PFKM: variants seen among roughly 807,000 people sequenced by gnomAD.
PFKM encodes the protein ATP-dependent 6-phosphofructokinase, muscle type.
PFKM carries 58 observed loss-of-function variants against 95.5 expected under a neutral mutation model. The observed-to-expected ratio is 0.61, with a 90% CI of 0.49 to 0.76. PFKM has a LOEUF of 0.76. Ranked by LOEUF, PFKM falls within the 30% of genes least tolerant of loss-of-function variation. The probability of loss-of-function intolerance (pLI) is 0.00; values close to 1 mark genes in which losing one functional copy is unlikely to be tolerated. For synonymous variants in PFKM, 336 were observed against 357.2 expected (o/e 0.94, Z 0.67); for missense variants, 678 against 1,005.4 (o/e 0.67, Z 4.40).
At chr12:48,135,120 C>G (rs1949950543) in intron 9 of PFKM, 82 bp downstream of exon 9, 2 of 1,187,112 alleles carry the variant, frequency 1.7e-6, no homozygotes, top group South Asian at 2.5e-5. Context: ...CATTGCTTCT[C>G]CCCTTGGTCC....
chr12:48,145,416 GAGTAACACCT>G lies in PFKM; in HGVS notation c.2198+102_2198+111del, dbSNP rs765967078. The G allele has an allele frequency of 3.9e-5, 49 of 1,252,834 alleles. No individual in the cohort carries two copies. Among genetic ancestry groups the G allele is most frequent in the Non-Finnish European group, 5.7e-5 (49 of 865,912 alleles). 77.6% of individuals were successfully genotyped at this position (1,252,834 alleles called of 1,614,324 possible). A position where few individuals can be genotyped will look rare whatever the true frequency, so the allele number is the denominator to read the frequency against. ...TCTTTAATTCTTTTTTTTTTTTAAG[GAGTAACACCT>G]GTATTCTTACCCATTTCAGATGTGA... On this transcript the variant is annotated intron_variant, in intron 22 of 22. Coordinates refer to ENST00000359794, the MANE Select transcript of PFKM (RefSeq NM_000289.6). This position sits in a 1 kb window ranked among gnomAD's most constrained non-coding sequence, Gnocchi z 4.3.
intron 2 of PFKM, among the ~76,000 whole-genome samples, chr12:48,124,473 G>C (rs1324902155): frequency 2.6e-5 from 4 of 152,198 alleles, no homozygotes; most frequent in Admixed American, 2.6e-4. Context: ...GAGATGCACA[G>C]AGTTATAAAA....
rs1392144132 is a variant in PFKM, at chr12:48,142,935, C to T, written c.1807C>T (p.Arg603Ter). ...CATTTTTGAGGAGCCCTTCACCATT[C>T]GAGACCTGCAGGTAGCTGGCCACCC... ...AYIFEEPFTI[R>*]DLQANVEHLV... Residue 603 changes from arginine (R) to a stop codon, truncating the protein, a stop_gained, in exon 18 of 23, where the codon CGA becomes TGA. Coordinates refer to ENST00000359794, the MANE Select transcript of PFKM (RefSeq NM_000289.6). LOFTEE classifies it high-confidence loss of function. 6 of 1,613,806 alleles carry T rather than the reference C, an allele frequency of 3.7e-6. No individual in the cohort carries two copies. Among genetic ancestry groups the T allele is most frequent in the Non-Finnish European group, 4.2e-6 (5 of 1,180,006 alleles).
intron 4 of PFKM, 58 bp downstream of exon 4, chr12:48,131,451 T>C (rs528536311): frequency 8.0e-7 from 1 of 1,244,460 alleles, no homozygotes; most frequent in Non-Finnish European, 1.2e-6. Context: ...CATCCCACTC[T>C]GTTTTGGGCT....
chr12:48,130,954 C>T (rs941346206), intron 3 of PFKM, among the ~76,000 whole-genome samples: 1 of 152,134 alleles, frequency 6.6e-6, no homozygotes, highest in Admixed American at 6.5e-5. Flanking sequence ...CTTTCCTTCC[C>T]TCCCACCAAC....
At chr12:48,130,281 A>G (rs906569539) in intron 2 of PFKM, 82 bp from the exon 3 acceptor site, 38 of 867,538 alleles carry the variant, frequency 4.4e-5, no homozygotes, top group Non-Finnish European at 7.6e-5. Flanking sequence ...CGTTATCTTT[A>G]GCCAAATGTA....
At chr12:48,140,229 C>CT (rs1245022383) in intron 13 of PFKM, among the ~76,000 whole-genome samples, 1 of 152,228 alleles carries the variant, frequency 6.6e-6, no homozygotes, top group Admixed American at 6.5e-5. Flanking sequence ...ATAATCACAT[C>CT]TAAGTGTATC....
At chr12:48,136,806 T>A (rs1189197433) in intron 10 of PFKM, among the ~76,000 whole-genome samples, 1 of 150,972 alleles carries the variant, frequency 6.6e-6, no homozygotes, top group Non-Finnish European at 1.5e-5. Flanking sequence ...CAGGCTGGAG[T>A]GCAGTGGCAT....
At chr12:48,122,481 G>C in intron 1 of PFKM, 1 of 840,456 alleles carries the variant, frequency 1.2e-6, no homozygotes, top group South Asian at 2.5e-5. Flanking sequence ...TCTTTTCCCT[G>C]ACCTTAGTTT....
At chr12:48,120,255 A>C (rs1215483827) in intron 1 of PFKM, among the ~76,000 whole-genome samples, 1 of 152,184 alleles carries the variant, frequency 6.6e-6, no homozygotes, top group African/African-American at 2.4e-5. Context: ...ATGATTTCTC[A>C]AGTCCAAGTT....
Position 48,142,040 on chromosome 12 carries a change from G to A in PFKM, c.1627G>A (p.Asp543Asn). The change falls in exon 17 of 23, where the codon GAC becomes AAC. Residue 543 changes from aspartate to asparagine, a missense_variant. By Grantham distance (23) the Asp-to-Asn change is conservative. Coordinates refer to ENST00000359794, the MANE Select transcript of PFKM (RefSeq NM_000289.6). ...TGGCTCAGACTTCAGCGTTGGGGCT[G>A]ACACAGCACTCAATACTATCTGCAC... is the stretch of plus-strand genomic sequence containing the variant. ...VPGSDFSVGA[D>N]TALNTICTTC... 6.2e-7 allele frequency: 1 copy of A among 1,614,168 alleles called. No homozygotes were observed. The highest frequency in any genetic ancestry group is 1.3e-5 in the African/African-American group (1 of 75,036).
intron 3 of PFKM, among the ~76,000 whole-genome samples, chr12:48,109,382 T>C (rs1946991651): frequency 6.6e-6 from 1 of 151,466 alleles, no homozygotes; most frequent in South Asian, 2.1e-4. Context: ...TCCTTTTTTC[T>C]TTTCTTCCTT....
intron 7 of PFKM, 109 bp downstream of exon 7, chr12:48,134,385 C>T: frequency 2.1e-6 from 2 of 931,664 alleles, no homozygotes; most frequent in Non-Finnish European, 1.8e-6. Context: ...TGGAGGTGCA[C>T]ATGCTCCTTG....
intron 6 of PFKM, 74 bp from the exon 7 acceptor site, chr12:48,134,158 G>A (rs117295805): frequency 1.2e-5 from 15 of 1,210,864 alleles, no homozygotes; most frequent in Non-Finnish European, 1.8e-5. Context: ...GAGGGTAATT[G>A]GCCTAGATGT....
At chr12:48,135,122 C>T in intron 9 of PFKM, 84 bp downstream of exon 9, 1 of 1,185,860 alleles carries the variant, frequency 8.4e-7, no homozygotes, top group Non-Finnish European at 1.3e-6. Flanking sequence ...TTGCTTCTCC[C>T]CTTGGTCCTT....
At chr12:48,119,244 C>A (rs41291959), upstream of PFKM, 83,213 of 977,034 alleles carry the variant, frequency 0.085, 4,010 homozygotes, top group Non-Finnish European at 0.095. Context: ...GGAGGCGGAG[C>A]CTTCTTGTCA....
chr12:48,133,502 G>A, intron 6 of PFKM, 22 bp downstream of exon 6: 1 of 1,610,384 alleles, frequency 6.2e-7, no homozygotes, highest in Non-Finnish European at 8.5e-7. Flanking sequence ...TGGGAGGTAG[G>A]CAGTGTAAGA....
At chr12:48,116,031 C>G (rs1947640154), upstream of PFKM, among the ~76,000 whole-genome samples, 1 of 152,158 alleles carries the variant, frequency 6.6e-6, no homozygotes, top group African/African-American at 2.4e-5. Flanking sequence ...TGCAGCTGCA[C>G]CACTTTACAT....
chr12:48,125,999 T>C (rs61163924), intron 2 of PFKM, among the ~76,000 whole-genome samples: 1,657 of 152,284 alleles, frequency 0.011, 39 homozygotes, highest in African/African-American at 0.037. Flanking sequence ...TCTAGTCTCA[T>C]AGAGACCCAT....
Sources: gnomAD v4.1 joint callset for allele counts (sites outside exome capture counted in the v4.1 genomes callset) on GRCh38, gnomAD v4.1.1 for gene constraint, Gnocchi (gnomAD v3.1) non-coding constraint, MANE v1.5 for transcripts, NCBI Gene and HGNC (gene_info 2026-07-23, HGNC 2026-07-21) for gene names.